The following VPS33B variants were observed in gnomAD, a reference collection of about 807,000 sequenced individuals.
The protein encoded by VPS33B is VPS33B late endosome and lysosome associated.
VPS33B carries 80 observed loss-of-function variants against 95.3 expected under a neutral mutation model. That is an observed-to-expected ratio of 0.84 (90% CI 0.70 to 1.01). The LOEUF (loss-of-function observed/expected upper bound fraction) is 1.01, where lower values mean the gene tolerates loss of function less well. Among genes scored for constraint, VPS33B ranks in the 50% least tolerant of loss-of-function variants. The pLI, the probability that VPS33B is intolerant of heterozygous loss-of-function variation, is 0.00. For missense variants in VPS33B, 715 were observed against 773.4 expected, an observed-to-expected ratio of 0.92 and a Z score of 0.90; for synonymous variants, 280 against 280.4, an observed-to-expected ratio of 1.00 and a Z score of 0.01.
In VPS33B at chr15:90,999,244, G is replaced by C; in HGVS notation, c.1775-190C>G. ...TATAACTGGGCTCCCTGCTGTGGCA[G>C]CCCAGAGTTAAGGCTATGGCAAGTT... On this transcript the variant is annotated intron_variant, in intron 22 of 22. Transcript: ENST00000333371. The surrounding 1 kb of genome is among the most constrained non-coding windows in gnomAD (Gnocchi z 5.1). 1 of 657,550 alleles carries C rather than the reference G, an allele frequency of 1.5e-6. No homozygotes were observed. Among genetic ancestry groups the C allele is most frequent in the Non-Finnish European group, 2.7e-6 (1 of 369,256 alleles). 40.7% of individuals were successfully genotyped at this position (657,550 alleles called of 1,614,324 possible).
chr15:91,003,984 GA>G (rs939108443), intron 16 of VPS33B, among the ~76,000 whole-genome samples: 1 of 152,132 alleles, frequency 6.6e-6, no homozygotes, highest in African/African-American at 2.4e-5. Flanking sequence ...AGAACTTAGG[GA>G]AGCCGAGGCA....
rs2040948301 is a variant in VPS33B, at chr15:91,017,030, G to A, written c.178-6C>T. The A allele has an allele frequency of 6.2e-7, 1 of 1,613,730 alleles. No homozygotes were observed. Among genetic ancestry groups the A allele is most frequent in the Non-Finnish European group, 8.5e-7 (1 of 1,179,910 alleles). On this transcript the variant is annotated splice_polypyrimidine_tract_variant and splice_region_variant and intron_variant, in intron 2 of 22. Transcript: ENST00000333371. ...AGCTTGTCTACTTCGTGTTGCTACA[G>A]AGAGAATCCAATAAGACAATGGACA...
At chr15:91,012,479 C>T (rs1354160856) in intron 5 of VPS33B, among the ~76,000 whole-genome samples, 1 of 152,132 alleles carries the variant, frequency 6.6e-6, no homozygotes, top group Non-Finnish European at 1.5e-5. Context: ...AACCCAAGAC[C>T]ACACAGGTAA....
chr15:91,006,950 C>G lies in VPS33B; in HGVS notation c.700G>C (p.Asp234His). The G allele has an allele frequency of 1.2e-6, 2 of 1,614,150 alleles. No homozygotes were observed. The highest frequency in any genetic ancestry group is 1.7e-6 in the Non-Finnish European group (2 of 1,180,040). The change falls in exon 9 of 23, where the codon GAT (aspartate) becomes CAT (histidine). Residue 234 changes from aspartate to histidine, a missense_variant and splice_region_variant. Transcript: ENST00000333371. The surrounding 1 kb of genome is among the most constrained non-coding windows in gnomAD (Gnocchi z 5.4). ...EIGHIFLLDR[D>H]VDFVTALCSQ... The stretch of plus-strand genomic sequence containing the variant: ...GACAGGAACGCTGGGCATAATTTAC[C>G]TCTGTCCAAGAGAAAGATATGTCCA...
Position 91,005,172 on chromosome 15 carries a change from A to G in VPS33B, c.1106-53T>C. 1 of 1,613,952 alleles carries G rather than the reference A, an allele frequency of 6.2e-7. No individual in the cohort carries two copies. Among genetic ancestry groups the G allele is most frequent in the Non-Finnish European group, 8.5e-7 (1 of 1,180,008 alleles). The stretch of plus-strand genomic sequence containing the variant: ...ACTGGGGGCCAGCTCAGCTGCTGCC[A>G]TCTATGCTAACAGGTGTCTGTCTCC... On this transcript the variant is annotated intron_variant, in intron 14 of 22. Coordinates refer to ENST00000333371, the MANE Select transcript of VPS33B (RefSeq NM_018668.5). This position sits in a 1 kb window ranked among gnomAD's most constrained non-coding sequence, Gnocchi z 6.4.
chr15:91,011,921 G>A lies in VPS33B; in HGVS notation c.357+1883C>T, dbSNP rs552144439. 8.5e-5 allele frequency among the ~76,000 whole-genome samples: 13 copies of A among 152,086 alleles called. No homozygotes were observed. The highest frequency in any genetic ancestry group is 4.6e-4 in the Admixed American group (7 of 15,260). On this transcript the variant is annotated intron_variant, in intron 5 of 22. Coordinates refer to ENST00000333371, the MANE Select transcript of VPS33B (RefSeq NM_018668.5). This position sits in a 1 kb window ranked among gnomAD's most constrained non-coding sequence, Gnocchi z 5.5. Reference sequence around the variant, plus strand: ...GGAGAATTGCTTGAACCTGGGAGGCGGAGGTTGCAGTGAGTCGAGATTGCG... The same window carrying A: ...GGAGAATTGCTTGAACCTGGGAGGCAGAGGTTGCAGTGAGTCGAGATTGCG...
rs1427443435 is a variant in VPS33B at position 91,015,360 on chromosome 15, TAATAATA to T, written c.240-934_240-928del. 6.7e-6 allele frequency among the ~76,000 whole-genome samples: 1 copy of T among 150,192 alleles called. No homozygotes were observed. Among genetic ancestry groups the T allele is most frequent in the East Asian group, 1.9e-4 (1 of 5,136 alleles). On this transcript the variant is annotated intron_variant, in intron 3 of 22. Coordinates refer to ENST00000333371, the MANE Select transcript of VPS33B (RefSeq NM_018668.5). The surrounding 1 kb of genome is among the most constrained non-coding windows in gnomAD (Gnocchi z 4.7). ...TCAAAAAAAATAAAATAAAATAAAA[TAATAATA>T]AATAATAATAGTAAAATAAAAGAAC... is the stretch of plus-strand genomic sequence containing the variant.
chr15:91,018,968 C>G lies in VPS33B; in HGVS notation c.97-1083G>C, dbSNP rs762910269. Among the ~76,000 whole-genome samples, 1 of 151,934 alleles carries G rather than the reference C, an allele frequency of 6.6e-6. No individual in the cohort carries two copies. Among genetic ancestry groups the G allele is most frequent in the Non-Finnish European group, 1.5e-5 (1 of 67,992 alleles). On this transcript the variant is annotated intron_variant, in intron 1 of 22. Coordinates refer to ENST00000333371, the MANE Select transcript of VPS33B (RefSeq NM_018668.5). This position sits in a 1 kb window ranked among gnomAD's most constrained non-coding sequence, Gnocchi z 4.7. ...TAGCTGAGATTACAGGTGCCTGCCA[C>G]CACACCTGGCTAATTTTTGTATTTT...
Position 91,005,422 on chromosome 15 carries a change from T to C in VPS33B, c.1063A>G (p.Lys355Glu). Residue 355 changes from lysine (K) to glutamate (E), a missense_variant, in exon 14 of 23, where the codon AAA becomes GAA. Coordinates refer to ENST00000333371, the MANE Select transcript of VPS33B (RefSeq NM_018668.5). The surrounding 1 kb of genome is among the most constrained non-coding windows in gnomAD (Gnocchi z 6.4). ...AGCTCCTGGAAATCCTGCTTGGTTTTCTTCTTCATGATGGATTCACAGGCC... is the reference window on the plus strand; with the variant it reads ...AGCTCCTGGAAATCCTGCTTGGTTTCCTTCTTCATGATGGATTCACAGGCC... ...IGACESIMKK[K>E]TKQDFQELIK... 6.2e-7 allele frequency: 1 copy of C among 1,614,142 alleles called. No homozygotes were observed. Among genetic ancestry groups the C allele is most frequent in the Non-Finnish European group, 8.5e-7 (1 of 1,180,028 alleles).
rs73502795 is a variant in VPS33B at position 91,004,093 on chromosome 15, G to A, written c.1225+784C>T. 9.8e-3 allele frequency among the ~76,000 whole-genome samples: 1,491 copies of A among 152,108 alleles called. 23 individuals are homozygous for A. Among genetic ancestry groups the A allele is most frequent in the African/African-American group, 0.034 (1,395 of 41,494 alleles). On this transcript the variant is annotated intron_variant, in intron 16 of 22. Coordinates refer to ENST00000333371, the MANE Select transcript of VPS33B (RefSeq NM_018668.5). ...ACAAAAATTAGCTGGGTATGATAGC[G>A]TGCATCTGTAGTCACAGCTACTTGA... is the stretch of plus-strand genomic sequence containing the variant.
At position 91,006,581 on chromosome 15, in the gene VPS33B, GC is replaced by G; in HGVS notation, c.778+70del. 1 of 1,608,298 alleles carries G rather than the reference GC, an allele frequency of 6.2e-7. No homozygotes were observed. Among genetic ancestry groups the G allele is most frequent in the South Asian group, 1.1e-5 (1 of 90,962 alleles). On this transcript the variant is annotated intron_variant, in intron 10 of 22. Coordinates refer to ENST00000333371, the MANE Select transcript of VPS33B (RefSeq NM_018668.5). The surrounding 1 kb of genome is among the most constrained non-coding windows in gnomAD (Gnocchi z 5.4). ...GGTCTGGGTCTCTCCCACAAACCCT[GC>G]CCCACGTGGGAGGTGCCAAGGCTGA...
Position 91,010,034 on chromosome 15 carries a change from A to G in VPS33B, c.358-188T>C, listed in dbSNP as rs1430201898. Among the ~76,000 whole-genome samples, 1 of 152,220 alleles carries G rather than the reference A, an allele frequency of 6.6e-6. No individual in the cohort carries two copies. On this transcript the variant is annotated intron_variant, in intron 5 of 22. Coordinates refer to ENST00000333371, the MANE Select transcript of VPS33B (RefSeq NM_018668.5). The surrounding 1 kb of genome is among the most constrained non-coding windows in gnomAD (Gnocchi z 5.7). ...CAGCCCAGCACTTCAGTTCTTTCTC[A>G]TCCATTTAATTTATGTTTGAGTAAA... is the stretch of plus-strand genomic sequence containing the variant.
In VPS33B at chr15:91,002,129, G is replaced by A. The variant is rs767215801; in HGVS notation, c.1326C>T (p.Leu442=). The A allele has an allele frequency of 6.2e-7, 1 of 1,614,076 alleles. No individual in the cohort carries two copies. Among genetic ancestry groups the A allele is most frequent in the Admixed American group, 1.7e-5 (1 of 60,010 alleles). The change falls in exon 18 of 23, where the codon CTC becomes CTT. Residue 442 remains leucine, a synonymous_variant. Coordinates refer to ENST00000333371, the MANE Select transcript of VPS33B (RefSeq NM_018668.5). The surrounding 1 kb of genome is among the most constrained non-coding windows in gnomAD (Gnocchi z 4.7). ...TGTCCCCGGGGGCCTGCTCCGTTAG[G>A]AGCCCAGCTCTTCGCAGATTGGAGA... ...LTFSNLRRAG[L]LTEQAPGDTL... is the part of the protein sequence containing the mutation.
rs762588932 is a variant in VPS33B, at chr15:91,021,452, T to C, written c.96+702A>G. On this transcript the variant is annotated intron_variant, in intron 1 of 22. Coordinates refer to ENST00000333371, the MANE Select transcript of VPS33B (RefSeq NM_018668.5). ...TTCATTCCCACTGCTACCAATTTTG[T>C]GTGGGCCTTTATTTCTTGTCTGATC... Among the ~76,000 whole-genome samples the C allele has an allele frequency of 3.9e-5, 6 of 152,372 alleles. No homozygotes were observed. The South Asian group carries it at 1.2e-3, about 32-fold the overall frequency.
Position 91,002,057 on chromosome 15 carries a change from C to G in VPS33B, c.1398G>C (p.Lys466Asn). 1 of 1,614,006 alleles carries G rather than the reference C, an allele frequency of 6.2e-7. No individual in the cohort carries two copies. The highest frequency in any genetic ancestry group is 8.5e-7 in the Non-Finnish European group (1 of 1,180,030). ...CTTGTGCTCCCTGCTTACCTGCAGC[C>G]TTGTCGGTCACCAGCTTGCTCACTT... The part of the protein sequence containing the change: ...ESKVSKLVTD[K>N]AAGKITDAFS... The change falls in exon 18 of 23, where the codon AAG becomes AAC. Residue 466 changes from lysine to asparagine, a missense_variant. By Grantham distance (94) the Lys-to-Asn change is moderately conservative (BLOSUM62 0). Transcript: ENST00000333371. This position sits in a 1 kb window ranked among gnomAD's most constrained non-coding sequence, Gnocchi z 4.7.
At position 91,013,354 on chromosome 15, in the gene VPS33B, A is replaced by G. The variant is rs115095911; in HGVS notation, c.357+450T>C. On this transcript the variant is annotated intron_variant, in intron 5 of 22. Coordinates refer to ENST00000333371, the MANE Select transcript of VPS33B (RefSeq NM_018668.5). The surrounding 1 kb of genome is among the most constrained non-coding windows in gnomAD (Gnocchi z 4.5). ...ACATAATTTGCTTTGAGGGAGTGCT[A>G]TGGTTTGAATGTGTCTCCCAAAAGT... Among the ~76,000 whole-genome samples the G allele has an allele frequency of 0.01, 1,548 of 152,300 alleles. 27 individuals carry two copies. The highest frequency in any genetic ancestry group is 0.034 in the African/African-American group (1,416 of 41,558).
Position 91,000,732 on chromosome 15 carries a change from C to T in VPS33B, c.1480-141G>A. The T allele has an allele frequency of 1.3e-6, 1 of 745,216 alleles. No individual in the cohort carries two copies. The highest frequency in any genetic ancestry group is 2.3e-6 in the Non-Finnish European group (1 of 443,276). The allele number at this position is 745,216 out of a possible 1,614,324, so 46.2% of individuals were successfully genotyped here. On this transcript the variant is annotated intron_variant, in intron 19 of 22. Transcript: ENST00000333371. The surrounding 1 kb of genome is among the most constrained non-coding windows in gnomAD (Gnocchi z 4.9). The stretch of plus-strand genomic sequence containing the variant: ...CCAGCAATAGCCCTGAAAAGAGAAT[C>T]CATAACGGAAGATGGCAGTTTTTGT...
In VPS33B at chr15:91,013,380, T is replaced by G. The variant is rs1458123046; in HGVS notation, c.357+424A>C. Among the ~76,000 whole-genome samples the G allele has an allele frequency of 6.6e-6, 1 of 152,228 alleles. No homozygotes were observed. The highest frequency in any genetic ancestry group is 2.4e-5 in the African/African-American group (1 of 41,462). ...TGGTTTGAATGTGTCTCCCAAAAGT[T>G]CATCTGTTGGAAACTGAATCTGCAG... is the stretch of plus-strand genomic sequence containing the variant. On this transcript the variant is annotated intron_variant, in intron 5 of 22. Coordinates refer to ENST00000333371, the MANE Select transcript of VPS33B (RefSeq NM_018668.5). The surrounding 1 kb of genome is among the most constrained non-coding windows in gnomAD (Gnocchi z 4.5).
In VPS33B at chr15:90,999,079, A is replaced by G; in HGVS notation, c.1775-25T>C. ...CCTAAGGAGTCAAATGCAGCAGCAG[A>G]AGAGACAGCACAGATCTTAGGCCCC... On this transcript the variant is annotated intron_variant, in intron 22 of 22. Transcript: ENST00000333371. The surrounding 1 kb of genome is among the most constrained non-coding windows in gnomAD (Gnocchi z 5.1). The G allele has an allele frequency of 2.5e-6, 4 of 1,612,794 alleles. No individual in the cohort carries two copies. Among genetic ancestry groups the G allele is most frequent in the Non-Finnish European group, 3.4e-6 (4 of 1,179,230 alleles).
Sources: gnomAD v4.1 joint callset for allele counts (sites outside exome capture counted in the v4.1 genomes callset) on GRCh38, gnomAD v4.1.1 for gene constraint, Gnocchi (gnomAD v3.1) non-coding constraint, MANE v1.5 for transcripts, NCBI Gene and HGNC (gene_info 2026-07-23, HGNC 2026-07-21) for gene names.